The following LSP1 variants were observed in gnomAD, a reference collection of about 807,000 sequenced individuals.
The protein encoded by LSP1 is lymphocyte specific protein 1.
Under a neutral mutation model 49.3 loss-of-function variants are expected in LSP1, and 32 were observed. The observed-to-expected ratio is 0.65, with a 90% CI of 0.49 to 0.87. LSP1 has a LOEUF of 0.87. Among genes scored for constraint, LSP1 ranks in the 40% least tolerant of loss-of-function variants. LSP1 has a pLI of 0.00. For synonymous variants in LSP1, 179 were observed against 178.8 expected, an observed-to-expected ratio of 1.00 and a Z score of -0.01; for missense variants, 428 against 442.6, an observed-to-expected ratio of 0.97 and a Z score of 0.30.
intron 10 of LSP1, chr11:1,888,869 C>A (rs1266632340): frequency 1.5e-5 from 6 of 390,822 alleles, no homozygotes; most frequent in Non-Finnish European, 2.7e-5. Context: ...CCAAGGCCCC[C>A]ATCCTACATC....
At chr11:1,879,973 A>G in intron 1 of LSP1, 114 bp from the exon 2 acceptor site, 1 of 1,307,318 alleles carries the variant, frequency 7.6e-7, no homozygotes, top group Non-Finnish European at 1.1e-6. Flanking sequence ...GACCTCGTGG[A>G]CAGGGCTGCC....
chr11:1,866,567 C>T, intron 1 of LSP1: 3 of 1,548,686 alleles, frequency 1.9e-6, no homozygotes, highest in Non-Finnish European at 2.6e-6. Flanking sequence ...CCTGGCTGGG[C>T]ACACCTCATC....
intron 3 of LSP1, among the ~76,000 whole-genome samples, chr11:1,881,978 C>T (rs758266895): frequency 8.5e-5 from 13 of 152,202 alleles, no homozygotes; most frequent in Non-Finnish European, 1.5e-4. Context: ...CAGCTGCGGC[C>T]GCTTCCGTAA....
Position 1,884,110 on chromosome 11 carries a change from G to C in LSP1, c.591+86G>C. On this transcript the variant is annotated intron_variant, in intron 5 of 10. Coordinates refer to ENST00000311604, the MANE Select transcript of LSP1 (RefSeq NM_002339.3). The surrounding 1 kb of genome is among the most constrained non-coding windows in gnomAD (Gnocchi z 4.1). The stretch of plus-strand genomic sequence containing the variant: ...CAATCCCACATGCCAGCCACAGGAA[G>C]ACCAGGCCCAGGCCTGGCTTTTGTC... 6.8e-7 allele frequency: 1 copy of C among 1,480,050 alleles called. No individual in the cohort carries two copies. Among genetic ancestry groups the C allele is most frequent in the Non-Finnish European group, 9.3e-7 (1 of 1,070,326 alleles). 91.7% of individuals were successfully genotyped at this position (1,480,050 alleles called of 1,614,324 possible).
At chr11:1,855,904 A>G (rs1847477346) in intron 1 of LSP1, among the ~76,000 whole-genome samples, 1 of 152,204 alleles carries the variant, frequency 6.6e-6, no homozygotes, top group Non-Finnish European at 1.5e-5. Flanking sequence ...TGAGGCGATG[A>G]GGACGGGGCG....
intron 2 of LSP1, 120 bp from the exon 3 acceptor site, chr11:1,881,312 G>A (rs557870134): frequency 3.0e-6 from 3 of 997,128 alleles, no homozygotes; most frequent in South Asian, 3.5e-5. Flanking sequence ...CAGCTCTGTG[G>A]CAGACAGGGT....
intron 7 of LSP1, among the ~76,000 whole-genome samples, chr11:1,885,976 C>G (rs1848733175): frequency 6.6e-6 from 1 of 152,032 alleles, no homozygotes; most frequent in African/African-American, 2.4e-5. Context: ...TCTATCCAAC[C>G]AATATTCCTC....
chr11:1,886,743 G>A lies in LSP1; in HGVS notation c.729G>A (p.Arg243=). The A allele has an allele frequency of 6.2e-7, 1 of 1,610,300 alleles. No homozygotes were observed. The part of the protein sequence containing the change: ...QYTQAIETAG[R]TPKLARQASI... ...TTCCTCCTCTGCAGACCGCTGGCCG[G>A]ACCCCCAAGCTAGCCCGCCAGGCCT... Residue 243 remains arginine, a synonymous_variant, in exon 8 of 11, where the codon CGG becomes CGA. Transcript: ENST00000311604.
At chr11:1,882,443 A>G (rs1024433800) in intron 3 of LSP1, among the ~76,000 whole-genome samples, 5 of 152,090 alleles carry the variant, frequency 3.3e-5, no homozygotes, top group African/African-American at 1.2e-4. Flanking sequence ...TCCTACAACC[A>G]GGCTCCCACT....
chr11:1,876,276 C>T (rs372144012), intron 1 of LSP1, among the ~76,000 whole-genome samples: 54 of 152,248 alleles, frequency 3.5e-4, no homozygotes, highest in African/African-American at 1.3e-3. Flanking sequence ...AAGTCTAGGA[C>T]CCCAGGGGAG....
intron 1 of LSP1, 153 bp from the exon 2 acceptor site, chr11:1,879,934 A>G: frequency 1.2e-6 from 1 of 810,694 alleles, no homozygotes; most frequent in Non-Finnish European, 1.9e-6. Context: ...AAGATGGACA[A>G]GGTGAGGCCT....
chr11:1,870,587 G>A (rs1847957646), intron 1 of LSP1: 1 of 1,127,402 alleles, frequency 8.9e-7, no homozygotes, highest in Non-Finnish European at 1.1e-6. Context: ...CCGGTGCTGT[G>A]GGAGTGGAGC....
intron 1 of LSP1, among the ~76,000 whole-genome samples, chr11:1,853,586 T>C (rs766409037): frequency 7.2e-5 from 11 of 152,038 alleles, no homozygotes; most frequent in Non-Finnish European, 1.5e-4. Flanking sequence ...GGAGCAGCTG[T>C]TCTGGGATGG....
At chr11:1,853,808 G>C (rs1847420866) in intron 1 of LSP1, among the ~76,000 whole-genome samples, 1 of 152,182 alleles carries the variant, frequency 6.6e-6, no homozygotes, top group African/African-American at 2.4e-5. Context: ...TTGGAGTGGG[G>C]ACATGAGGGG....
chr11:1,853,355 A>G (rs899259067), intron 1 of LSP1, among the ~76,000 whole-genome samples, 158 bp downstream of exon 1: 1 of 152,214 alleles, frequency 6.6e-6, no homozygotes, highest in African/African-American at 2.4e-5. Flanking sequence ...GGACCCACAG[A>G]CAGGTGGCAG....
rs542105460 is a variant in LSP1, at chr11:1,871,197, G to A, written c.54-8890G>A. 8.1e-6 allele frequency: 8 copies of A among 985,914 alleles called. No individual in the cohort carries two copies. In the African/African-American group the frequency reaches 1.4e-4, roughly 17 times the overall value. 61.1% of individuals were successfully genotyped at this position (985,914 alleles called of 1,614,324 possible). On this transcript the variant is annotated intron_variant, in intron 1 of 10. Transcript: ENST00000311604. Reference sequence around the variant, plus strand: ...CAGAAAGCCATATGCACAGCACGCAGAACAGGAGGAGGGGGGAAGAAAGAG... The same window carrying A: ...CAGAAAGCCATATGCACAGCACGCAAAACAGGAGGAGGGGGGAAGAAAGAG...
chr11:1,876,087 C>G (rs574673325), intron 1 of LSP1, among the ~76,000 whole-genome samples: 7 of 152,348 alleles, frequency 4.6e-5, no homozygotes, highest in Admixed American at 1.3e-4. Flanking sequence ...CCCAGATAGG[C>G]CCCGACACAC....
chr11:1,868,699 G>A (rs1847875237), intron 1 of LSP1: 1 of 985,652 alleles, frequency 1.0e-6, no homozygotes, highest in Non-Finnish European at 1.2e-6. Context: ...TTCGGACAGA[G>A]CCCGTCCTGC....
chr11:1,864,217 T>C (rs1228078713), intron 1 of LSP1: 8 of 984,100 alleles, frequency 8.1e-6, no homozygotes, highest in Non-Finnish European at 9.6e-6. Context: ...CAGCGAAGGG[T>C]CCAGGCCTGC....
Sources: allele counts gnomAD v4.1 joint callset (sites outside exome capture counted in the v4.1 genomes callset), GRCh38; gene constraint gnomAD v4.1.1; non-coding constraint Gnocchi (gnomAD v3.1); transcripts MANE v1.5; gene names NCBI Gene and HGNC (gene_info 2026-07-23, HGNC 2026-07-21).